Variants in CPSF6 observed in about 807,000 individuals in gnomAD.
CPSF6 encodes cleavage and polyadenylation specificity factor subunit 6.
A neutral mutation model predicts 56.7 loss-of-function variants in CPSF6; 10 were observed. The observed-to-expected ratio is 0.18, with a 90% CI of 0.11 to 0.30. CPSF6 has a LOEUF of 0.30. Among genes scored for constraint, CPSF6 ranks in the 10% least tolerant of loss-of-function variants. CPSF6 has a pLI of 1.00. For synonymous variants in CPSF6, 248 were observed against 244.8 expected (o/e 1.01, Z -0.12); for missense variants, 419 against 722.9 (o/e 0.58, Z 4.82).
intron 2 of CPSF6, chr12:69,251,987 A>C (rs775469699): frequency 1.4e-4 from 66 of 455,324 alleles, no homozygotes; most frequent in Admixed American, 5.0e-4. Context: ...CTTGAAAGTT[A>C]AAAACTTGTA....
At chr12:69,264,374 T>C (rs1003561076) in intron 9 of CPSF6, among the ~76,000 whole-genome samples, 1 of 152,126 alleles carries the variant, frequency 6.6e-6, no homozygotes, top group Non-Finnish European at 1.5e-5. Flanking sequence ...GTTAACTAAT[T>C]ACAATTTCTA....
chr12:69,257,642 T>A, intron 4 of CPSF6, 90 bp from the exon 5 acceptor site: 1 of 1,232,704 alleles, frequency 8.1e-7, no homozygotes, highest in Non-Finnish European at 1.1e-6. Context: ...AGTTAATATA[T>A]TAGAAATAGA....
intron 9 of CPSF6, 56 bp downstream of exon 9, chr12:69,262,618 C>A: frequency 6.5e-7 from 1 of 1,532,456 alleles, no homozygotes; most frequent in Non-Finnish European, 8.8e-7. Context: ...GTAACTATAA[C>A]TCCAAGGCTA....
chr12:69,240,249 T>G (rs919063131), intron 1 of CPSF6, among the ~76,000 whole-genome samples: 1 of 152,070 alleles, frequency 6.6e-6, no homozygotes. Context: ...TTCACGGCCC[T>G]TTGTATCCCG....
chr12:69,257,896 C>G lies in CPSF6; in HGVS notation c.685C>G (p.Pro229Ala), dbSNP rs755647632. The change falls in exon 5 of 10, where the codon CCT (proline) becomes GCT (alanine). Residue 229 changes from proline to alanine, a missense_variant. Pro to Ala is a conservative substitution (Grantham distance 27, BLOSUM62 -1). Coordinates refer to ENST00000435070, the MANE Select transcript of CPSF6 (RefSeq NM_007007.3). The part of the protein sequence containing the change: ...GPAGPGGPPP[P>A]FPAGQTPPRP... ...AGCAGGACCAGGAGGGCCACCCCCA[C>G]CTTTTCCAGGTAAAACTTTTCTTAA... The G allele has an allele frequency of 7.5e-6, 12 of 1,595,376 alleles. No homozygotes were observed. In the Admixed American group the frequency reaches 1.3e-4, roughly 17 times the overall value.
intron 3 of CPSF6, 113 bp from the exon 4 acceptor site, chr12:69,256,584 G>A (rs762953450): frequency 9.5e-6 from 10 of 1,056,248 alleles, no homozygotes; most frequent in Non-Finnish European, 1.4e-5. Flanking sequence ...ATGAGCCACT[G>A]TGCCCAGCTG....
intron 9 of CPSF6, among the ~76,000 whole-genome samples, chr12:69,263,054 T>C (rs1872815316): frequency 6.6e-6 from 1 of 150,640 alleles, no homozygotes; most frequent in Non-Finnish European, 1.5e-5. Context: ...TACAGGAGGG[T>C]GTTTTCTCAA....
intron 3 of CPSF6, 41 bp from the exon 4 acceptor site, chr12:69,256,656 C>T: frequency 6.4e-7 from 1 of 1,553,438 alleles, no homozygotes; most frequent in Non-Finnish European, 8.7e-7. Flanking sequence ...TAATATTGAT[C>T]TCTTTTTACT....
chr12:69,250,636 C>T (rs1462623894), intron 1 of CPSF6, among the ~76,000 whole-genome samples: 2 of 103,368 alleles, frequency 1.9e-5, no homozygotes, highest in African/African-American at 9.2e-5. Context: ...TAAAGGAAAC[C>T]CCCTTTTTTT....
intron 9 of CPSF6, among the ~76,000 whole-genome samples, chr12:69,264,431 T>C (rs1872881688): frequency 6.6e-6 from 1 of 152,104 alleles, no homozygotes; most frequent in Non-Finnish European, 1.5e-5. Context: ...ACAAAGTCCA[T>C]TGTTAATCTT....
chr12:69,260,326 T>C (rs1359578567), intron 8 of CPSF6, 129 bp downstream of exon 8: 11 of 684,404 alleles, frequency 1.6e-5, no homozygotes, highest in Non-Finnish European at 2.6e-5. Context: ...GTGGTTTTTT[T>C]TTTTAACTCT....
In CPSF6 at chr12:69,273,967, C is replaced by T. The variant is rs932091483; in HGVS notation, c.*4459C>T. On this transcript the variant is annotated 3_prime_UTR_variant, in exon 10 of 10. Coordinates refer to ENST00000435070, the MANE Select transcript of CPSF6 (RefSeq NM_007007.3). ...AATTGTATCATTTTACCAATATCCA[C>T]GAATTACTGATCACAGTTTGTAAAT... 14 of 151,814 alleles carry T rather than the reference C, an allele frequency of 9.2e-5. No homozygotes were observed. Among genetic ancestry groups the T allele is most frequent in the Admixed American group, 1.3e-4 (2 of 15,238 alleles). The allele number at this position is 151,814 out of a possible 1,614,324, so 9.4% of individuals were successfully genotyped here.
chr12:69,263,192 C>T (rs931505552), intron 9 of CPSF6, among the ~76,000 whole-genome samples: 1 of 151,782 alleles, frequency 6.6e-6, no homozygotes, highest in Non-Finnish European at 1.5e-5. Context: ...AAAAGTTAAT[C>T]AATTAAAATG....
Position 69,258,647 on chromosome 12 carries a change from G to C in CPSF6, c.752G>C (p.Gly251Ala), listed in dbSNP as rs1872611643. The change falls in exon 6 of 10, where the codon GGT becomes GCT. Residue 251 changes from glycine to alanine, a missense_variant. This residue lies in a region of CPSF6 where 211 missense variants were observed against 296.0 expected (regional missense o/e 0.71). Transcript: ENST00000435070. This position sits in a 1 kb window ranked among gnomAD's most constrained non-coding sequence, Gnocchi z 4.2. ...CCTCCAGGCCCACCTGGTCCACCAG[G>C]TCCTCCACCTCCTGGTCAGGTTCTG... ...LGPPGPPGPP[G>A]PPPPGQVLPP... 6.2e-7 allele frequency: 1 copy of C among 1,613,660 alleles called. No homozygotes were observed. The highest frequency in any genetic ancestry group is 2.2e-5 in the East Asian group (1 of 44,874).
At chr12:69,254,823 A>C (rs1226360924) in intron 3 of CPSF6, among the ~76,000 whole-genome samples, 3 of 152,198 alleles carry the variant, frequency 2.0e-5, no homozygotes, top group African/African-American at 7.2e-5. Context: ...TCCCTCCCTC[A>C]AATAATTTAG....
rs517457 is a variant in CPSF6 at position 69,251,459 on chromosome 12, G to T, written c.270+121G>T. ...TTACTGTGTTTTTCTATATGTGTTT[G>T]CTTGTCCAATGAGGAGGGAAATACA... is the stretch of plus-strand genomic sequence containing the variant. On this transcript the variant is annotated intron_variant, in intron 2 of 9. Transcript: ENST00000435070. 8.2e-4 allele frequency: 503 copies of T among 616,778 alleles called. 3 individuals are homozygous for T. The African/African-American group carries it at 8.3e-3, about 10-fold the overall frequency. The allele number at this position is 616,778 out of a possible 1,614,324, so 38.2% of individuals were successfully genotyped here.
At chr12:69,239,910 C>CGCCGCGGGGCCCGGAGCGCG (rs1871513288) in intron 1 of CPSF6, among the ~76,000 whole-genome samples, 1 of 149,100 alleles carries the variant, frequency 6.7e-6, no homozygotes, top group Non-Finnish European at 1.5e-5. Flanking sequence ...CGCGGCGAGT[C>CGCCGCGGGGCCCGGAGCGCG]GCCGCGGGGC....
intron 1 of CPSF6, among the ~76,000 whole-genome samples, chr12:69,241,702 T>G (rs1300322854): frequency 6.6e-6 from 1 of 152,218 alleles, no homozygotes; most frequent in Non-Finnish European, 1.5e-5. Flanking sequence ...GAGGAACTCC[T>G]TTTAAATGTA....
Position 69,262,411 on chromosome 12 carries a change from G to A in CPSF6, c.1508G>A (p.Arg503Gln). The A allele has an allele frequency of 3.1e-6, 5 of 1,611,544 alleles. No individual in the cohort carries two copies. Among genetic ancestry groups the A allele is most frequent in the Admixed American group, 1.7e-5 (1 of 59,998 alleles). Residue 503 changes from arginine to glutamine, a missense_variant, in exon 9 of 10, where the codon CGA becomes CAA. Around this residue, in one of 4 missense-constraint regions of CPSF6, gnomAD observed 81 missense variants for 193.6 expected, o/e 0.42. Coordinates refer to ENST00000435070, the MANE Select transcript of CPSF6 (RefSeq NM_007007.3). Reference protein sequence around the residue: ...RSRERDHSRSREKSRRHKSRS... With the variant: ...RSRERDHSRSQEKSRRHKSRS... The stretch of plus-strand genomic sequence containing the variant: ...AGAGAGAGGGACCATAGTAGATCAC[G>A]AGAAAAGAGTCGACGTCATAAATCC...
Sources: gnomAD v4.1 joint callset for allele counts (sites outside exome capture counted in the v4.1 genomes callset) on GRCh38, gnomAD v4.1.1 for gene constraint, gnomAD v4.1.1 regional missense constraint, Gnocchi (gnomAD v3.1) non-coding constraint, MANE v1.5 for transcripts, NCBI Gene and HGNC (gene_info 2026-07-23, HGNC 2026-07-21) for gene names.